The following ZC3H7A variants were observed in gnomAD, a reference collection of about 807,000 sequenced individuals.
ZC3H7A encodes the protein zinc finger CCCH domain-containing protein 7A.
In ZC3H7A, 44 loss-of-function variants were observed where a neutral mutation model predicts 125.5. The observed-to-expected ratio is 0.35, with a 90% confidence interval of 0.28 to 0.45. The LOEUF (loss-of-function observed/expected upper bound fraction) is 0.45, where lower values mean the gene tolerates loss of function less well. ZC3H7A is among the 20% of genes least tolerant of loss of function. The probability of loss-of-function intolerance (pLI) is 1.00; values close to 1 mark genes in which losing one functional copy is unlikely to be tolerated. For missense variants in ZC3H7A, 977 were observed against 1,170.7 expected (o/e 0.83, Z 2.41); for synonymous variants, 399 against 391.2 (o/e 1.02, Z -0.23).
At position 11,781,416 on chromosome 16, in the gene ZC3H7A, A is replaced by G; in HGVS notation, c.108+9T>C. ...AGAGCTTTCAAGCAGACCTTCCCGG[A>G]GTCATTACCGCATATTGCTCCTGTG... is the stretch of plus-strand genomic sequence containing the variant. On this transcript the variant is annotated intron_variant, in intron 3 of 22. Coordinates refer to ENST00000355758, the MANE Select transcript of ZC3H7A (RefSeq NM_014153.4). 6.2e-7 allele frequency: 1 copy of G among 1,601,234 alleles called. No homozygotes were observed. The highest frequency in any genetic ancestry group is 8.5e-7 in the Non-Finnish European group (1 of 1,171,168).
At chr16:11,783,901 T>A (rs1270956669) in intron 1 of ZC3H7A, among the ~76,000 whole-genome samples, 1 of 152,136 alleles carries the variant, frequency 6.6e-6, no homozygotes, top group Non-Finnish European at 1.5e-5. Flanking sequence ...TCCTATAAAG[T>A]TGGTACTTTA....
rs1429575046 is a variant in ZC3H7A, at chr16:11,765,843, C to A, written c.1523-158G>T. ...CTGCACTCCAGCCTGGGCAACAGAG[C>A]AAGTCCCAGTGTCAAAATAAACAAA... On this transcript the variant is annotated intron_variant, in intron 13 of 22. Coordinates refer to ENST00000355758, the MANE Select transcript of ZC3H7A (RefSeq NM_014153.4). This position sits in a 1 kb window ranked among gnomAD's most constrained non-coding sequence, Gnocchi z 4.8. 6.6e-6 allele frequency among the ~76,000 whole-genome samples: 1 copy of A among 152,096 alleles called. No homozygotes were observed. Among genetic ancestry groups the A allele is most frequent in the African/African-American group, 2.4e-5 (1 of 41,384 alleles).
At chr16:11,753,405 T>C (rs2052583846) in intron 21 of ZC3H7A, among the ~76,000 whole-genome samples, 1 of 152,212 alleles carries the variant, frequency 6.6e-6, no homozygotes, top group South Asian at 2.1e-4. Context: ...TAAAAACAGA[T>C]TTGAACTCAT....
intron 19 of ZC3H7A, chr16:11,758,756 C>A (rs953150981): frequency 2.0e-6 from 1 of 497,618 alleles, no homozygotes; most frequent in South Asian, 2.4e-5. Context: ...AAGAAAATGT[C>A]CAAAACAGAG....
intron 13 of ZC3H7A, 149 bp downstream of exon 13, chr16:11,767,268 T>C (rs1185220599): frequency 8.3e-6 from 5 of 605,466 alleles, no homozygotes; most frequent in Admixed American, 3.9e-5. Context: ...GCTAGGTGCG[T>C]CGTCGGCTAC....
chr16:11,783,988 G>GGCT (rs895122213), intron 1 of ZC3H7A, among the ~76,000 whole-genome samples: 69 of 131,026 alleles, frequency 5.3e-4, no homozygotes, highest in African/African-American at 1.8e-3. Flanking sequence ...AAAAAGGGGG[G>GGCT]GGCTGTGAGG....
Position 11,756,246 on chromosome 16 carries a change from A to G in ZC3H7A, c.2553T>C (p.Ala851=). 1 of 1,613,700 alleles carries G rather than the reference A, an allele frequency of 6.2e-7. No individual in the cohort carries two copies. Among genetic ancestry groups the G allele is most frequent in the Non-Finnish European group, 8.5e-7 (1 of 1,179,830 alleles). ...GKQIHMPTDY[A]EVTVDFHCWM... is the part of the protein sequence containing the mutation. ...GACGCACGGTACTCACTGTAACTTCAGCATAATCTGTTGGCATGTGAATTT... is the reference window on the plus strand; with the variant it reads ...GACGCACGGTACTCACTGTAACTTCGGCATAATCTGTTGGCATGTGAATTT... The change falls in exon 21 of 23, where the codon GCT becomes GCC. Residue 851 remains alanine (A), a synonymous_variant. Coordinates refer to ENST00000355758, the MANE Select transcript of ZC3H7A (RefSeq NM_014153.4).
intron 1 of ZC3H7A, among the ~76,000 whole-genome samples, chr16:11,785,151 T>A (rs1349401005): frequency 1.3e-5 from 2 of 150,532 alleles, no homozygotes; most frequent in African/African-American, 4.9e-5. Context: ...AGAGTGAAAT[T>A]CCATCTCAAA....
chr16:11,794,604 C>T (rs1038929514), intron 1 of ZC3H7A, among the ~76,000 whole-genome samples: 1 of 152,192 alleles, frequency 6.6e-6, no homozygotes, highest in Non-Finnish European at 1.5e-5. Flanking sequence ...AGTTTGCTCA[C>T]ATCATACTGT....
At position 11,758,526 on chromosome 16, in the gene ZC3H7A, A is replaced by G. The variant is rs1291919242; in HGVS notation, c.2333T>C (p.Ile778Thr). Reference protein sequence around the residue: ...MPLQFDLCNHIASGKKCQYVG... With the variant: ...MPLQFDLCNHTASGKKCQYVG... ...ATATTGACATTTTTTCCCAGAAGCA[A>G]TATGGTTGCACAGCTGTATAAAAAA... The change falls in exon 20 of 23, where the codon ATT becomes ACT. Residue 778 changes from isoleucine (I) to threonine (T), a missense_variant. This residue lies in a region of ZC3H7A where 436 missense variants were observed against 603.2 expected (regional missense o/e 0.72). Transcript: ENST00000355758. 1.2e-6 allele frequency: 2 copies of G among 1,612,722 alleles called. No individual in the cohort carries two copies. Among genetic ancestry groups the G allele is most frequent in the South Asian group, 1.1e-5 (1 of 91,056 alleles).
intron 9 of ZC3H7A, among the ~76,000 whole-genome samples, chr16:11,771,915 C>A (rs915338342): frequency 2.6e-5 from 4 of 152,056 alleles, no homozygotes; most frequent in Non-Finnish European, 5.9e-5. Flanking sequence ...TCATATGAGG[C>A]TGGGCATGGT....
chr16:11,778,117 T>C (rs1301078599), intron 4 of ZC3H7A, among the ~76,000 whole-genome samples: 1 of 151,540 alleles, frequency 6.6e-6, no homozygotes, highest in African/African-American at 2.4e-5. Context: ...TGAATTCCTT[T>C]GAAGACTAAT....
At chr16:11,787,289 C>A (rs976719241) in intron 1 of ZC3H7A, among the ~76,000 whole-genome samples, 1 of 152,170 alleles carries the variant, frequency 6.6e-6, no homozygotes, top group Non-Finnish European at 1.5e-5. Flanking sequence ...GGCAACAGAA[C>A]AAGATCTTGT....
intron 8 of ZC3H7A, 66 bp downstream of exon 8, chr16:11,774,914 C>T: frequency 2.6e-6 from 4 of 1,514,398 alleles, no homozygotes; most frequent in Non-Finnish European, 3.7e-6. Flanking sequence ...CAATACATCA[C>T]ATACAAAGAC....
chr16:11,752,639 G>T, intron 22 of ZC3H7A, 30 bp downstream of exon 22: 1 of 1,588,256 alleles, frequency 6.3e-7, no homozygotes, highest in African/African-American at 1.4e-5. Flanking sequence ...CAGCAATTCT[G>T]ACATGGAAAA....
chr16:11,771,510 T>C (rs1034754382), intron 9 of ZC3H7A, among the ~76,000 whole-genome samples: 1 of 152,174 alleles, frequency 6.6e-6, no homozygotes, highest in African/African-American at 2.4e-5. Flanking sequence ...TGTCTAACTT[T>C]TTTTTTTTGA....
rs1597527350 is a variant in ZC3H7A, at chr16:11,752,919, C to G, written c.2563-87G>C. ...CAGGGAGCCCAGGCTGGTGGGAGAG[C>G]CAGGCAAGACATAAAACTCAGGTTA... On this transcript the variant is annotated intron_variant, in intron 21 of 22. Transcript: ENST00000355758. 8 of 1,505,218 alleles carry G rather than the reference C, an allele frequency of 5.3e-6. 1 individual carries two copies. The East Asian group carries it at 1.8e-4, about 35-fold the overall frequency. 93.2% of individuals were successfully genotyped at this position (1,505,218 alleles called of 1,614,324 possible).
At chr16:11,756,766 G>A (rs527447267) in intron 20 of ZC3H7A, among the ~76,000 whole-genome samples, 7 of 152,278 alleles carry the variant, frequency 4.6e-5, no homozygotes, top group African/African-American at 1.4e-4. Context: ...TGGCTTGGGG[G>A]ACTTGGAGCT....
Position 11,774,301 on chromosome 16 carries a change from T to C in ZC3H7A, c.838A>G (p.Met280Val), listed in dbSNP as rs139277218. The C allele has an allele frequency of 3.1e-6, 5 of 1,614,018 alleles. No homozygotes were observed. Among genetic ancestry groups the C allele is most frequent in the Middle Eastern group, 1.6e-4 (1 of 6,062 alleles). Residue 280 changes from methionine to valine, a missense_variant, in exon 9 of 23, where the codon ATG (methionine) becomes GTG (valine). Physicochemically the swap from Met to Val is conservative, Grantham distance 21. Around this residue, in one of 3 missense-constraint regions of ZC3H7A, gnomAD observed 342 missense variants for 311.3 expected, o/e 1.10. Transcript: ENST00000355758. The part of the protein sequence containing the change: ...MPEAFLDDGD[M>V]VLGDELDDLL... ...TCATCTAGTTCATCTCCAAGGACCA[T>C]ATCTCCATCATCTAGAAAAGCTTCT...
Sources: allele counts gnomAD v4.1 joint callset (sites outside exome capture counted in the v4.1 genomes callset), GRCh38; gene constraint gnomAD v4.1.1; regional missense constraint gnomAD v4.1.1; non-coding constraint Gnocchi (gnomAD v3.1); transcripts MANE v1.5; gene names NCBI Gene and HGNC (gene_info 2026-07-23, HGNC 2026-07-21).